The following RREB1 variants were observed in gnomAD, a reference collection of about 807,000 sequenced individuals.
The protein encoded by RREB1 is ras-responsive element-binding protein 1.
RREB1 carries 27 observed loss-of-function variants against 117.8 expected under a neutral mutation model. The observed-to-expected ratio is 0.23, with a 90% CI of 0.17 to 0.32. The LOEUF (loss-of-function observed/expected upper bound fraction) is 0.32. Ranked by LOEUF, RREB1 falls within the 10% of genes least tolerant of loss-of-function variation. The probability of loss-of-function intolerance (pLI) is 1.00; values close to 1 mark genes in which losing one functional copy is unlikely to be tolerated. For missense variants in RREB1, 2,577 were observed against 2,378.2 expected, an observed-to-expected ratio of 1.08 and a Z score of -1.74; for synonymous variants, 1,298 against 1,026.7, an observed-to-expected ratio of 1.26 and a Z score of -5.05.
chr6:7,111,797 T>C (rs1033639366), intron 1 of RREB1, among the ~76,000 whole-genome samples: 2 of 152,240 alleles, frequency 1.3e-5, no homozygotes, highest in East Asian at 3.8e-4. Context: ...ATTACCAGTG[T>C]GTTCAGGTTG....
At chr6:7,225,698 T>G (rs1360824324) in intron 8 of RREB1, among the ~76,000 whole-genome samples, 2 of 152,206 alleles carry the variant, frequency 1.3e-5, no homozygotes, top group African/African-American at 4.8e-5. Context: ...GACAGCCTTG[T>G]GATAAGCATG....
At chr6:7,163,797 T>C (rs1763788761) in intron 1 of RREB1, among the ~76,000 whole-genome samples, 1 of 152,252 alleles carries the variant, frequency 6.6e-6, no homozygotes, top group African/African-American at 2.4e-5. Context: ...AGAAGTATAA[T>C]GAAGCATCTT....
intron 1 of RREB1, among the ~76,000 whole-genome samples, chr6:7,173,337 C>T (rs1030508108): frequency 9.9e-5 from 15 of 151,774 alleles, no homozygotes; most frequent in African/African-American, 3.4e-4. Flanking sequence ...GCAAACATGG[C>T]GAAACCCCGT....
At chr6:7,188,259 G>A (rs575806111) in intron 5 of RREB1, among the ~76,000 whole-genome samples, 75 of 152,112 alleles carry the variant, frequency 4.9e-4, no homozygotes, top group African/African-American at 1.5e-3. Flanking sequence ...GTGTGCGCGC[G>A]CGCACGTGTG....
chr6:7,172,355 C>T (rs892984451), intron 1 of RREB1, among the ~76,000 whole-genome samples: 10 of 152,088 alleles, frequency 6.6e-5, no homozygotes, highest in Non-Finnish European at 4.4e-5. Context: ...CCCCCCTTCA[C>T]CTCTGCACTT....
chr6:7,187,532 C>A lies in RREB1; in HGVS notation c.261+9C>A. The A allele has an allele frequency of 7.9e-7, 1 of 1,266,998 alleles. No homozygotes were observed. Among genetic ancestry groups the A allele is most frequent in the Non-Finnish European group, 1.0e-6 (1 of 954,554 alleles). 78.5% of individuals were successfully genotyped at this position (1,266,998 alleles called of 1,614,324 possible). On this transcript the variant is annotated intron_variant, in intron 5 of 12. Transcript: ENST00000379938. ...CCATGCACATTCGCCAGGTAGATTCCCACTGTTCTTTTATTTTATTTTATT... is the reference window on the plus strand; with the variant it reads ...CCATGCACATTCGCCAGGTAGATTCACACTGTTCTTTTATTTTATTTTATT...
At chr6:7,195,378 C>T (rs1162516834) in intron 6 of RREB1, among the ~76,000 whole-genome samples, 1 of 152,068 alleles carries the variant, frequency 6.6e-6, no homozygotes, top group Non-Finnish European at 1.5e-5. Flanking sequence ...TGTGAGAACA[C>T]TTACAAAAAT....
chr6:7,196,218 G>GTTTTTTTTTTTGTT (rs1765661799), intron 6 of RREB1, among the ~76,000 whole-genome samples: 3 of 121,466 alleles, frequency 2.5e-5, no homozygotes, highest in Admixed American at 8.5e-5. Context: ...TTTTTTTTTC[G>GTTTTTTTTTTTGTT]TTTTTTTTTT....
At chr6:7,194,966 G>A (rs1052114057) in intron 6 of RREB1, among the ~76,000 whole-genome samples, 3 of 152,280 alleles carry the variant, frequency 2.0e-5, no homozygotes, top group Non-Finnish European at 2.9e-5. Flanking sequence ...CGTACCTACC[G>A]CATGGGAATG....
At chr6:7,221,720 A>G (rs1362530041) in intron 8 of RREB1, among the ~76,000 whole-genome samples, 1 of 152,222 alleles carries the variant, frequency 6.6e-6, no homozygotes, top group Non-Finnish European at 1.5e-5. Context: ...TGAAGGGAGC[A>G]GGTGGGATGA....
At chr6:7,196,981 C>T (rs959894982) in intron 6 of RREB1, among the ~76,000 whole-genome samples, 15 of 152,156 alleles carry the variant, frequency 9.9e-5, no homozygotes, top group African/African-American at 3.6e-4. Context: ...GTTGCTCCCA[C>T]GTTGAAAATT....
chr6:7,160,930 C>T (rs746952162), intron 1 of RREB1, among the ~76,000 whole-genome samples: 2 of 152,238 alleles, frequency 1.3e-5, no homozygotes, highest in South Asian at 2.1e-4. Flanking sequence ...GTGATCCACC[C>T]GCCTCAGCCT....
chr6:7,245,955 C>T (rs1001798148), intron 11 of RREB1, among the ~76,000 whole-genome samples: 3 of 152,232 alleles, frequency 2.0e-5, no homozygotes, highest in Non-Finnish European at 4.4e-5. Flanking sequence ...TCATCAAGAC[C>T]ATGCTTTGGA....
At chr6:7,125,297 T>TTCTGCC (rs1273911717) in intron 1 of RREB1, among the ~76,000 whole-genome samples, 1 of 152,164 alleles carries the variant, frequency 6.6e-6, no homozygotes, top group Non-Finnish European at 1.5e-5. Flanking sequence ...ACTGGACAAA[T>TTCTGCC]TCTGCCAAGT....
chr6:7,249,749 A>G lies in RREB1; in HGVS notation c.*781A>G, dbSNP rs914270578. On this transcript the variant is annotated 3_prime_UTR_variant, in exon 13 of 13. Coordinates refer to ENST00000379938, the MANE Select transcript of RREB1 (RefSeq NM_001003699.4). ...CTTAACCTATGGAAAACATGCACGG[A>G]TAGGATATATTTGATTGCCTCCTCT... is the stretch of plus-strand genomic sequence containing the variant. 2 of 152,082 alleles carry G rather than the reference A, an allele frequency of 1.3e-5. No individual in the cohort carries two copies. The highest frequency in any genetic ancestry group is 2.9e-5 in the Non-Finnish European group (2 of 68,026). The allele number at this position is 152,082 out of a possible 1,614,324, so 9.4% of individuals were successfully genotyped here.
intron 6 of RREB1, among the ~76,000 whole-genome samples, chr6:7,206,506 G>T (rs555177458): frequency 6.6e-6 from 1 of 152,164 alleles, no homozygotes; most frequent in South Asian, 2.1e-4. Context: ...CAGCAATTTA[G>T]CAGATACTTA....
chr6:7,228,150 G>A (rs1767694988), intron 9 of RREB1, among the ~76,000 whole-genome samples: 1 of 152,142 alleles, frequency 6.6e-6, no homozygotes, highest in Non-Finnish European at 1.5e-5. Flanking sequence ...TTGTTCAAGT[G>A]TACAAGGTAC....
intron 11 of RREB1, among the ~76,000 whole-genome samples, chr6:7,245,337 G>A (rs1029112990): frequency 1.3e-5 from 2 of 152,190 alleles, no homozygotes; most frequent in Non-Finnish European, 2.9e-5. Context: ...GGAGGTTGCA[G>A]TGAGTGGAGA....
chr6:7,109,656 C>T (rs938985412), intron 1 of RREB1, among the ~76,000 whole-genome samples: 2 of 152,250 alleles, frequency 1.3e-5, no homozygotes, highest in African/African-American at 4.8e-5. Flanking sequence ...AGTATTTCTC[C>T]TTGCTCAGCA....
Sources: gnomAD v4.1 joint callset for allele counts (sites outside exome capture counted in the v4.1 genomes callset) on GRCh38, gnomAD v4.1.1 for gene constraint, MANE v1.5 for transcripts, NCBI Gene and HGNC (gene_info 2026-07-23, HGNC 2026-07-21) for gene names.